Variants in PRDM16 observed in about 807,000 individuals in gnomAD.
The protein encoded by PRDM16 is PR/SET domain 16, also known as histone-lysine N-methyltransferase PRDM16.
In PRDM16, 23 loss-of-function variants were observed where a neutral mutation model predicts 110.6. That is an observed-to-expected ratio of 0.21 (90% CI 0.15 to 0.29). The LOEUF (loss-of-function observed/expected upper bound fraction) is 0.29. PRDM16 is among the 10% of genes least tolerant of loss of function. The pLI, the probability that PRDM16 is intolerant of heterozygous loss-of-function variation, is 1.00. For synonymous variants in PRDM16, 799 were observed against 781.8 expected, an observed-to-expected ratio of 1.02 and a Z score of -0.37; for missense variants, 1,615 against 1,794.3, an observed-to-expected ratio of 0.90 and a Z score of 1.81.
At chr1:3,222,673 TG>T (rs1280179961) in intron 2 of PRDM16, among the ~76,000 whole-genome samples, 2 of 152,194 alleles carry the variant, frequency 1.3e-5, no homozygotes, top group Admixed American at 1.3e-4. Flanking sequence ...CGTGAGACTC[TG>T]GGGCGGACTG....
At chr1:3,274,900 A>G (rs1457978896) in intron 3 of PRDM16, among the ~76,000 whole-genome samples, 2 of 152,224 alleles carry the variant, frequency 1.3e-5, no homozygotes, top group East Asian at 3.8e-4. Context: ...CTTTGGACAC[A>G]TGGCACCTGC....
chr1:3,075,291 T>G (rs1181296542), intron 1 of PRDM16, among the ~76,000 whole-genome samples: 1 of 152,282 alleles, frequency 6.6e-6, no homozygotes, highest in Non-Finnish European at 1.5e-5. Flanking sequence ...GAAAATTGGC[T>G]TAATTATATC....
At chr1:3,317,661 C>T (rs1215061927) in intron 3 of PRDM16, among the ~76,000 whole-genome samples, 3 of 152,230 alleles carry the variant, frequency 2.0e-5, no homozygotes, top group African/African-American at 7.2e-5. Context: ...CACAACCGCT[C>T]CTGGGAAGCC....
rs542214782 is a variant in PRDM16, at chr1:3,371,305, A to G, written c.439-13847A>G. 1.5e-3 allele frequency among the ~76,000 whole-genome samples: 220 copies of G among 149,140 alleles called. 1 individual carries two copies. The highest frequency in any genetic ancestry group is 5.3e-3 in the African/African-American group (215 of 40,406). ...TCCACATCCATCCATCCACCCATCCATCCATGCATCCATTGAATCATCCAT... is the reference window on the plus strand; with the variant it reads ...TCCACATCCATCCATCCACCCATCCGTCCATGCATCCATTGAATCATCCAT... On this transcript the variant is annotated intron_variant, in intron 3 of 16. Transcript: ENST00000270722.
At chr1:3,184,410 G>A (rs1444600946) in intron 1 of PRDM16, among the ~76,000 whole-genome samples, 2 of 152,172 alleles carry the variant, frequency 1.3e-5, no homozygotes, top group South Asian at 2.1e-4. Flanking sequence ...GGGCCGGGAG[G>A]CGAGGGCCAG....
intron 4 of PRDM16, among the ~76,000 whole-genome samples, chr1:3,393,843 G>A (rs1057410822): frequency 4.6e-5 from 7 of 152,206 alleles, no homozygotes; most frequent in African/African-American, 1.7e-4. Context: ...GCAGGTCGGG[G>A]ACCCCCGCCC....
chr1:3,396,465 C>T (rs746792311), intron 4 of PRDM16, 26 bp from the exon 5 acceptor site: 1 of 1,323,162 alleles, frequency 7.6e-7, no homozygotes, highest in Non-Finnish European at 1.1e-6. Flanking sequence ...CACACTCACC[C>T]TTTCTCTCTG....
chr1:3,375,564 G>A (rs1326944894), intron 3 of PRDM16, among the ~76,000 whole-genome samples: 2 of 152,210 alleles, frequency 1.3e-5, no homozygotes, highest in African/African-American at 4.8e-5. Flanking sequence ...GAGCAGTGAC[G>A]GGGCCGAGTT....
chr1:3,219,718 G>A (rs1487105451), intron 2 of PRDM16, among the ~76,000 whole-genome samples: 2 of 152,226 alleles, frequency 1.3e-5, no homozygotes, highest in East Asian at 3.9e-4. Context: ...GGCTGAACAT[G>A]GCAGGAGCGG....
intron 2 of PRDM16, among the ~76,000 whole-genome samples, chr1:3,191,405 C>T (rs1638306908): frequency 6.6e-6 from 1 of 152,208 alleles, no homozygotes; most frequent in African/African-American, 2.4e-5. Flanking sequence ...CAAGCCGGTG[C>T]CTCCTGGGTC....
At chr1:3,431,156 C>T (rs1048743074) in intron 15 of PRDM16, 48 bp downstream of exon 15, 11 of 1,530,736 alleles carry the variant, frequency 7.2e-6, no homozygotes, top group Admixed American at 2.0e-5. Flanking sequence ...GGAACGTGGG[C>T]GTCCATCACG....
In PRDM16 at chr1:3,437,985, G is replaced by T. The variant is rs531888027; in HGVS notation, c.*4174G>T. On this transcript the variant is annotated 3_prime_UTR_variant, in exon 17 of 17. Transcript: ENST00000270722. ...CCTCGCAGAATCACAGACCTGTGCC[G>T]CCCGCCACCTTCTGCCATTGTTACA... 1 of 219,614 alleles carries T rather than the reference G, an allele frequency of 4.6e-6. No homozygotes were observed. Among genetic ancestry groups the T allele is most frequent in the Admixed American group, 5.8e-5 (1 of 17,294 alleles). 13.6% of individuals were successfully genotyped at this position (219,614 alleles called of 1,614,324 possible). A position where few individuals can be genotyped will look rare whatever the true frequency, so the allele number is the denominator to read the frequency against.
chr1:3,266,999 C>T (rs1640310736), intron 3 of PRDM16, among the ~76,000 whole-genome samples: 1 of 152,212 alleles, frequency 6.6e-6, no homozygotes, highest in African/African-American at 2.4e-5. Flanking sequence ...AGAGCCATCT[C>T]CTTTTCTTTC....
chr1:3,405,434 C>G, intron 7 of PRDM16, 61 bp from the exon 8 acceptor site: 16 of 1,494,602 alleles, frequency 1.1e-5, no homozygotes, highest in Non-Finnish European at 1.4e-5. Flanking sequence ...GTCCGCCAGC[C>G]AGAACCAGGC....
At chr1:3,118,323 G>A (rs1569601368) in intron 1 of PRDM16, among the ~76,000 whole-genome samples, 2 of 152,330 alleles carry the variant, frequency 1.3e-5, no homozygotes, top group Admixed American at 1.3e-4. Context: ...GAAACAGCAT[G>A]GAGCCCTGGT....
At chr1:3,298,395 G>T (rs1249691617) in intron 3 of PRDM16, among the ~76,000 whole-genome samples, 1 of 152,248 alleles carries the variant, frequency 6.6e-6, no homozygotes, top group Non-Finnish European at 1.5e-5. Flanking sequence ...GCGCTGCAGG[G>T]CTGGGTGCCT....
At chr1:3,264,626 G>A (rs1640244381) in intron 3 of PRDM16, among the ~76,000 whole-genome samples, 1 of 141,518 alleles carries the variant, frequency 7.1e-6, no homozygotes, top group African/African-American at 2.7e-5. Flanking sequence ...GGCACCCGAG[G>A]ACCCCGGGCC....
rs1638883689 is a variant in PRDM16, at chr1:3,435,565, AAG to A, written c.*1756_*1757del. 4.3e-6 allele frequency: 1 copy of A among 232,360 alleles called. No homozygotes were observed. The highest frequency in any genetic ancestry group is 8.5e-6 in the Non-Finnish European group (1 of 117,608). The allele number at this position is 232,360 out of a possible 1,614,324, so 14.4% of individuals were successfully genotyped here. A position where few individuals can be genotyped will look rare whatever the true frequency, so the allele number is the denominator to read the frequency against. On this transcript the variant is annotated 3_prime_UTR_variant, in exon 17 of 17. Coordinates refer to ENST00000270722, the MANE Select transcript of PRDM16 (RefSeq NM_022114.4). ...GAAAAAATGATGATAGAGTCCCAAA[AAG>A]AAGAGAAAAAAAATGCCCAAGTTGC...
chr1:3,409,318 G>A (rs1643628716), intron 8 of PRDM16, among the ~76,000 whole-genome samples: 1 of 152,088 alleles, frequency 6.6e-6, no homozygotes, highest in Non-Finnish European at 1.5e-5. Context: ...GGTGACCGAG[G>A]GGTATTTACA....
Sources: gnomAD v4.1 joint callset for allele counts (sites outside exome capture counted in the v4.1 genomes callset) on GRCh38, gnomAD v4.1.1 for gene constraint, MANE v1.5 for transcripts, NCBI Gene and HGNC (gene_info 2026-07-23, HGNC 2026-07-21) for gene names.